The following CIC variants were observed in gnomAD, a reference collection of about 807,000 sequenced individuals.
CIC encodes protein capicua homolog.
CIC carries 18 observed loss-of-function variants against 115.7 expected under a neutral mutation model. The observed-to-expected ratio is 0.16, with a 90% CI of 0.11 to 0.23. The LOEUF (loss-of-function observed/expected upper bound fraction) is 0.23. Among genes scored for constraint, CIC ranks in the 10% least tolerant of loss-of-function variants. The pLI, the probability that CIC is intolerant of heterozygous loss-of-function variation, is 1.00. For missense variants in CIC, 2,000 were observed against 2,159.3 expected (o/e 0.93, Z 1.46); for synonymous variants, 1,076 against 923.0 (o/e 1.17, Z -3.01).
rs1371443207 is a variant in CIC at position 42,290,535 on chromosome 19, G to C, written c.4494G>C (p.Arg1498=). The stretch of plus-strand genomic sequence containing the variant: ...CAGCGACACCTTCCAAGGCAACCCG[G>C]TTCCTCCCAATGGATCCTGCCACCT... ...GGPATPSKAT[R]FLPMDPATFR... Residue 1498 remains arginine (R), a synonymous_variant, in exon 11 of 21, where the codon CGG becomes CGC. Coordinates refer to ENST00000681038, the MANE Select transcript of CIC (RefSeq NM_001386298.1). 6.2e-7 allele frequency: 1 copy of C among 1,613,418 alleles called. No homozygotes were observed.
At chr19:42,294,120 A>G (rs747890316) in intron 18 of CIC, 31 bp downstream of exon 18, 2 of 1,613,734 alleles carry the variant, frequency 1.2e-6, no homozygotes, top group South Asian at 2.2e-5. Context: ...CAGGGTCCTT[A>G]GGTGGAGGGC....
intron 10 of CIC, 68 bp from the exon 11 acceptor site, chr19:42,290,165 T>G: frequency 6.2e-7 from 1 of 1,605,686 alleles, no homozygotes; most frequent in East Asian, 2.2e-5. Flanking sequence ...TGGATGGGCA[T>G]GGCTAGGGGG....
At chr19:42,289,435 C>T in intron 9 of CIC, 29 bp downstream of exon 9, 2 of 1,553,562 alleles carry the variant, frequency 1.3e-6, no homozygotes, top group African/African-American at 1.4e-5. Flanking sequence ...AGAATCTTGC[C>T]CAGGACCCAG....
chr19:42,289,613 G>T (rs2037924504), intron 9 of CIC, among the ~76,000 whole-genome samples: 1 of 152,226 alleles, frequency 6.6e-6, no homozygotes, highest in Non-Finnish European at 1.5e-5. Context: ...GGAGGACAGG[G>T]GGCATGACCA....
In CIC at chr19:42,291,340, C is replaced by T. The variant is rs139895527; in HGVS notation, c.5299C>T (p.Pro1767Ser). The change falls in exon 11 of 21, where the codon CCC becomes TCC. Residue 1767 changes from proline to serine, a missense_variant. Coordinates refer to ENST00000681038, the MANE Select transcript of CIC (RefSeq NM_001386298.1). The stretch of plus-strand genomic sequence containing the variant: ...GGCAGCGGCTCCCAGCGGCCCTGCA[C>T]CCACCACCAGCATCCGTTTCACCCT... ...TKAAAPSGPA[P>S]TTSIRFTLPP... is the part of the protein sequence containing the mutation. 2.3e-4 allele frequency: 375 copies of T among 1,612,796 alleles called. No individual in the cohort carries two copies. The highest frequency in any genetic ancestry group is 2.9e-4 in the Non-Finnish European group (342 of 1,179,940).
chr19:42,292,445 T>C lies in CIC; in HGVS notation c.5881T>C (p.Phe1961Leu). The change falls in exon 14 of 21, where the codon TTC becomes CTC. Residue 1961 changes from phenylalanine (F) to leucine (L), a missense_variant. Transcript: ENST00000681038. ...CTCGCTGGGGCCCAGCGGCCCCGCCTTCGTGCAGCCCCTGCTCTCAGGTGA... is the reference window on the plus strand; with the variant it reads ...CTCGCTGGGGCCCAGCGGCCCCGCCCTCGTGCAGCCCCTGCTCTCAGGTGA... ...FTSLGPSGPA[F>L]VQPLLSAGQA... 1 of 1,610,740 alleles carries C rather than the reference T, an allele frequency of 6.2e-7. No homozygotes were observed. The highest frequency in any genetic ancestry group is 8.5e-7 in the Non-Finnish European group (1 of 1,178,528).
intron 7 of CIC, 106 bp from the exon 8 acceptor site, chr19:42,288,782 C>T (rs941329951): frequency 9.7e-7 from 1 of 1,028,946 alleles, no homozygotes; most frequent in Non-Finnish European, 1.5e-6. Flanking sequence ...CCAGAAATTC[C>T]AGCCTGCTTC....
rs1364974853 is a variant in CIC at position 42,288,996 on chromosome 19, C to T, written c.3767C>T (p.Pro1256Leu). 6.2e-7 allele frequency: 1 copy of T among 1,613,934 alleles called. No homozygotes were observed. Residue 1256 changes from proline (P) to leucine (L), a missense_variant, in exon 8 of 21, where the codon CCT becomes CTT. By Grantham distance (98) the Pro-to-Leu change is moderately conservative. This residue lies in a region of CIC where 1,466 missense variants were observed against 1,390.4 expected (regional missense o/e 1.05). Coordinates refer to ENST00000681038, the MANE Select transcript of CIC (RefSeq NM_001386298.1). The stretch of plus-strand genomic sequence containing the variant: ...GAACGGCTACACACAGTTGGGGGAC[C>T]TGGCTCAGCCCGGCCCCGAGCTTTC... ...GAERLHTVGG[P>L]GSARPRAFSH...
chr19:42,289,999 C>G (rs763435206), intron 10 of CIC, 48 bp downstream of exon 10: 35 of 1,497,142 alleles, frequency 2.3e-5, no homozygotes, highest in Non-Finnish European at 3.2e-5. Flanking sequence ...CCTCCTAAGC[C>G]ATGGGAATGT....
At chr19:42,293,385 C>T (rs1339161079) in intron 16 of CIC, 104 bp downstream of exon 16, 2 of 1,389,784 alleles carry the variant, frequency 1.4e-6, no homozygotes, top group Non-Finnish European at 2.0e-6. Flanking sequence ...CTGTGTGTCT[C>T]TCAGGTTAAA....
chr19:42,293,292 G>A lies in CIC; in HGVS notation c.6522+11G>A, dbSNP rs533226544. ...GGCCCTGAGACCATGGTGAGCGCCTGCAGGCCGTGGGGCTCCCACTGCCAC... is the reference window on the plus strand; with the variant it reads ...GGCCCTGAGACCATGGTGAGCGCCTACAGGCCGTGGGGCTCCCACTGCCAC... On this transcript the variant is annotated intron_variant, in intron 16 of 20. Transcript: ENST00000681038. The A allele has an allele frequency of 1.4e-5, 22 of 1,557,606 alleles. No homozygotes were observed. In the South Asian group the frequency reaches 2.6e-4, roughly 18 times the overall value.
rs2147203045 is a variant in CIC at position 42,287,753 on chromosome 19, C to T, written c.3492+26C>T. 2 of 1,614,166 alleles carry T rather than the reference C, an allele frequency of 1.2e-6. No homozygotes were observed. Among genetic ancestry groups the T allele is most frequent in the Non-Finnish European group, 1.7e-6 (2 of 1,180,024 alleles). On this transcript the variant is annotated intron_variant, in intron 6 of 20. Coordinates refer to ENST00000681038, the MANE Select transcript of CIC (RefSeq NM_001386298.1). This position sits in a 1 kb window ranked among gnomAD's most constrained non-coding sequence, Gnocchi z 8.7. ...GTAACGCTGTTGCCTCTTGGCTCCT[C>T]CCAGCTTCTTCTGGTGGGGTGGGTG... is the stretch of plus-strand genomic sequence containing the variant.
rs751599325 is a variant in CIC, at chr19:42,287,740, C to T, written c.3492+13C>T. 149 of 1,614,050 alleles carry T rather than the reference C, an allele frequency of 9.2e-5. No individual in the cohort carries two copies. Among genetic ancestry groups the T allele is most frequent in the Non-Finnish European group, 1.2e-4 (143 of 1,180,034 alleles). ...CCTGGCCTTCCAGGTAACGCTGTTG[C>T]CTCTTGGCTCCTCCCAGCTTCTTCT... On this transcript the variant is annotated intron_variant, in intron 6 of 20. Coordinates refer to ENST00000681038, the MANE Select transcript of CIC (RefSeq NM_001386298.1). This position sits in a 1 kb window ranked among gnomAD's most constrained non-coding sequence, Gnocchi z 8.7.
At chr19:42,291,822 CTT>C in intron 12 of CIC, 77 bp downstream of exon 12, 2 of 1,546,378 alleles carry the variant, frequency 1.3e-6, no homozygotes, top group South Asian at 1.1e-5. Context: ...TTTTTTCAGT[CTT>C]TTCTCCTTCT....
Position 42,273,875 on chromosome 19 carries a change from A to C in CIC, c.2092A>C (p.Thr698Pro), listed in dbSNP as rs1599851008. The C allele has an allele frequency of 2.5e-6, 1 of 395,268 alleles. No homozygotes were observed. Among genetic ancestry groups the C allele is most frequent in the Non-Finnish European group, 4.4e-6 (1 of 225,250 alleles). 24.5% of individuals were successfully genotyped at this position (395,268 alleles called of 1,614,324 possible). A position where few individuals can be genotyped will look rare whatever the true frequency, so the allele number is the denominator to read the frequency against. ...RERHSSGILP[T>P]FQTNLTFTVP... ...GCGCCACTCCTCTGGAATCCTACCC[A>C]CCTTCCAGACCAACCTGACCTTCAC... is the stretch of plus-strand genomic sequence containing the variant. The change falls in exon 2 of 21, where the codon ACC becomes CCC. Residue 698 changes from threonine (T) to proline (P), a missense_variant. Physicochemically the swap from Thr to Pro is conservative, Grantham distance 38. This residue lies in a region of CIC where 222 missense variants were observed against 247.7 expected (regional missense o/e 0.90). Coordinates refer to ENST00000681038, the MANE Select transcript of CIC (RefSeq NM_001386298.1).
rs147920519 is a variant in CIC at position 42,293,786 on chromosome 19, G to A, written c.6717G>A (p.Lys2239=). Residue 2239 remains lysine, a synonymous_variant, in exon 17 of 21, where the codon AAG becomes AAA. Coordinates refer to ENST00000681038, the MANE Select transcript of CIC (RefSeq NM_001386298.1). ...ERKEAAGTGK[K]VKVRPPPLKK... ...AGGAGGCGGCTGGTACTGGCAAGAA[G>A]GTGAAGGTGCGGCCCCCGCCCCTGA... The A allele has an allele frequency of 5.7e-4, 921 of 1,612,754 alleles. No individual in the cohort carries two copies. Among genetic ancestry groups the A allele is most frequent in the South Asian group, 1.6e-3 (144 of 91,046 alleles).
At chr19:42,285,209 G>A (rs1464074946) in intron 2 of CIC, among the ~76,000 whole-genome samples, 2 of 152,082 alleles carry the variant, frequency 1.3e-5, no homozygotes, top group African/African-American at 4.8e-5. Flanking sequence ...TTTGCAGAGA[G>A]CGCGACACCT....
rs765673963 is a variant in CIC, at chr19:42,287,046, A to C, written c.2985A>C (p.Pro995=). The C allele has an allele frequency of 2.5e-6, 4 of 1,612,026 alleles. No individual in the cohort carries two copies. The highest frequency in any genetic ancestry group is 1.8e-4 in the Middle Eastern group (1 of 5,510). ...CAGCTGTTGCTCATGAACGGCCACCAGGTGGGACAGGGAGTGCTGACCCTG... is the reference window on the plus strand; with the variant it reads ...CAGCTGTTGCTCATGAACGGCCACCCGGTGGGACAGGGAGTGCTGACCCTG... The part of the protein sequence containing the change: ...ESAAVAHERP[P]GGTGSADPER... The change falls in exon 4 of 21, where the codon CCA becomes CCC. Residue 995 remains proline, a synonymous_variant. Transcript: ENST00000681038. This position sits in a 1 kb window ranked among gnomAD's most constrained non-coding sequence, Gnocchi z 8.7.
rs2036885531 is a variant in CIC at position 42,274,239 on chromosome 19, C to T, written c.2456C>T (p.Pro819Leu). The T allele has an allele frequency of 2.5e-6, 1 of 398,730 alleles. No homozygotes were observed. The highest frequency in any genetic ancestry group is 4.4e-5 in the Admixed American group (1 of 22,732). The allele number at this position is 398,730 out of a possible 1,614,324, so 24.7% of individuals were successfully genotyped here. A position where few individuals can be genotyped will look rare whatever the true frequency, so the allele number is the denominator to read the frequency against. The change falls in exon 2 of 21, where the codon CCA becomes CTA. Residue 819 changes from proline (P) to leucine (L), a missense_variant. By Grantham distance (98) the Pro-to-Leu change is moderately conservative. Coordinates refer to ENST00000681038, the MANE Select transcript of CIC (RefSeq NM_001386298.1). Reference sequence around the variant, plus strand: ...GTTATTGTCCGCAACCCTGATGTGCCACTGCCCTCCAAATTCCCTGGGGAG... The same window carrying T: ...GTTATTGTCCGCAACCCTGATGTGCTACTGCCCTCCAAATTCCCTGGGGAG... ...SPVIVRNPDV[P>L]LPSKFPGEVG...
Sources: gnomAD v4.1 joint callset for allele counts (sites outside exome capture counted in the v4.1 genomes callset) on GRCh38, gnomAD v4.1.1 for gene constraint, gnomAD v4.1.1 regional missense constraint, Gnocchi (gnomAD v3.1) non-coding constraint, MANE v1.5 for transcripts, NCBI Gene and HGNC (gene_info 2026-07-23, HGNC 2026-07-21) for gene names.